KCNT2: variants seen among roughly 807,000 people sequenced by gnomAD.
The protein encoded by KCNT2 is potassium channel subfamily T member 2.
Under a neutral mutation model 153.8 loss-of-function variants are expected in KCNT2, and 67 were observed. That is an observed-to-expected ratio of 0.44 (90% CI 0.36 to 0.53). The LOEUF is 0.53. KCNT2 is among the 20% of genes least tolerant of loss of function. KCNT2 has a pLI of 0.00. For synonymous variants in KCNT2, 500 were observed against 458.8 expected, an observed-to-expected ratio of 1.09 and a Z score of -1.15; for missense variants, 975 against 1,354.8, an observed-to-expected ratio of 0.72 and a Z score of 4.40.
chr1:196,258,682 C>T (rs1021626843), intron 25 of KCNT2, 188 bp from the exon 26 acceptor site: 10 of 649,444 alleles, frequency 1.5e-5, no homozygotes, highest in East Asian at 1.2e-4. Context: ...TTTCCTTGAA[C>T]GTACATATAA....
At chr1:196,361,195 C>T (rs561427173) in intron 14 of KCNT2, among the ~76,000 whole-genome samples, 3 of 151,060 alleles carry the variant, frequency 2.0e-5, no homozygotes, top group Non-Finnish European at 4.5e-5. Flanking sequence ...CCCTCTCCAA[C>T]AGACACCAGA....
intron 1 of KCNT2, among the ~76,000 whole-genome samples, chr1:196,565,949 T>C (rs1056619985): frequency 4.6e-5 from 7 of 151,844 alleles, no homozygotes; most frequent in African/African-American, 1.7e-4. Flanking sequence ...TTCTTGAAAA[T>C]CACTGAGAGT....
intron 1 of KCNT2, among the ~76,000 whole-genome samples, chr1:196,541,141 T>A (rs932038811): frequency 1.3e-5 from 2 of 151,182 alleles, no homozygotes; most frequent in Non-Finnish European, 3.0e-5. Context: ...TGTACTGAGA[T>A]AAAAAAAGCA....
chr1:196,277,196 G>A (rs1658649059), intron 25 of KCNT2, among the ~76,000 whole-genome samples: 1 of 151,958 alleles, frequency 6.6e-6, no homozygotes, highest in South Asian at 2.1e-4. Flanking sequence ...CATATTATAA[G>A]CTTTTTCACT....
At chr1:196,396,902 T>G (rs1670985372) in intron 13 of KCNT2, among the ~76,000 whole-genome samples, 1 of 151,442 alleles carries the variant, frequency 6.6e-6, no homozygotes, top group African/African-American at 2.4e-5. Context: ...AACGGCGTGC[T>G]AAAGGGAGAA....
intron 13 of KCNT2, among the ~76,000 whole-genome samples, chr1:196,386,585 C>A (rs1328312508): frequency 6.6e-6 from 1 of 152,056 alleles, no homozygotes; most frequent in East Asian, 1.9e-4. Flanking sequence ...TAATATATTT[C>A]TGGAGAGCAA....
At chr1:196,321,765 T>C (rs532011010) in intron 19 of KCNT2, among the ~76,000 whole-genome samples, 7 of 151,910 alleles carry the variant, frequency 4.6e-5, no homozygotes, top group African/African-American at 1.7e-4. Flanking sequence ...ATAGATAGAT[T>C]CATCTACTAC....
At chr1:196,284,230 TA>T (rs1190571024) in intron 23 of KCNT2, among the ~76,000 whole-genome samples, 1 of 2,974 alleles carries the variant, frequency 3.4e-4, no homozygotes, top group African/African-American at 6.8e-4. Flanking sequence ...GACTCTGTCT[TA>T]AAAAAAAAAA....
chr1:196,484,209 G>A (rs1021432928), intron 3 of KCNT2, among the ~76,000 whole-genome samples: 12 of 151,978 alleles, frequency 7.9e-5, no homozygotes, highest in Admixed American at 5.9e-4. Context: ...TTTCATAATC[G>A]CCATTCTGAC....
Position 196,533,728 on chromosome 1 carries a change from C to A in KCNT2, c.96-41387G>T, listed in dbSNP as rs149414024. Among the ~76,000 whole-genome samples, 464 of 152,092 alleles carry A rather than the reference C, an allele frequency of 3.1e-3. 1 individual carries two copies. Among genetic ancestry groups the A allele is most frequent in the African/African-American group, 0.011 (441 of 41,480 alleles). The stretch of plus-strand genomic sequence containing the variant: ...TTATGTCTTCTATTGTGGTTGGCAT[C>A]ATATATAAAGCTAGGAACAGAAAAT... On this transcript the variant is annotated intron_variant, in intron 1 of 27. Coordinates refer to ENST00000294725, the MANE Select transcript of KCNT2 (RefSeq NM_198503.5).
rs1437669621 is a variant in KCNT2 at position 196,579,672 on chromosome 1, T to C, written c.95+28543A>G. Reference sequence around the variant, plus strand: ...CACACCTGGCTAATTTTTGTATTTATAGTAGAGAAGGGGTTTCAACATGTT... The same window carrying C: ...CACACCTGGCTAATTTTTGTATTTACAGTAGAGAAGGGGTTTCAACATGTT... On this transcript the variant is annotated intron_variant, in intron 1 of 27. Transcript: ENST00000294725. 8.6e-5 allele frequency among the ~76,000 whole-genome samples: 13 copies of C among 152,044 alleles called. No individual in the cohort carries two copies. In the East Asian group the frequency reaches 2.3e-3, roughly 27 times the overall value.
intron 25 of KCNT2, among the ~76,000 whole-genome samples, chr1:196,276,941 T>A (rs1042803102): frequency 7.2e-5 from 11 of 152,042 alleles, no homozygotes; most frequent in African/African-American, 2.7e-4. Flanking sequence ...ATTGGTGATG[T>A]GATTCACTGT....
chr1:196,446,671 G>A lies in KCNT2; in HGVS notation c.639-16914C>T, dbSNP rs143671279. ...TTTTGAGATATATCAATTAGGAAGA[G>A]AGCCAGTTACCTACAAGTACTTTGT... On this transcript the variant is annotated intron_variant, in intron 8 of 27. Transcript: ENST00000294725. Among the ~76,000 whole-genome samples, 30 of 151,670 alleles carry A rather than the reference G, an allele frequency of 2.0e-4. 1 individual carries two copies. In the East Asian group the frequency reaches 5.5e-3, roughly 28 times the overall value.
intron 12 of KCNT2, among the ~76,000 whole-genome samples, chr1:196,401,794 CTT>C (rs1310728485): frequency 6.6e-6 from 1 of 151,442 alleles, no homozygotes; most frequent in Admixed American, 6.6e-5. Flanking sequence ...TGACTAGAAA[CTT>C]TTTAATTTTG....
At position 196,445,319 on chromosome 1, in the gene KCNT2, C is replaced by G. The variant is rs142529658; in HGVS notation, c.639-15562G>C. Among the ~76,000 whole-genome samples, 415 of 150,600 alleles carry G rather than the reference C, an allele frequency of 2.8e-3. 5 individuals are homozygous for G. The highest frequency in any genetic ancestry group is 9.7e-3 in the African/African-American group (394 of 40,664). On this transcript the variant is annotated intron_variant, in intron 8 of 27. Coordinates refer to ENST00000294725, the MANE Select transcript of KCNT2 (RefSeq NM_198503.5). ...TTAAACGATTTGTACACATTTATTGCATTTCCAAAAGAATATCTTGCTAGC... is the reference window on the plus strand; with the variant it reads ...TTAAACGATTTGTACACATTTATTGGATTTCCAAAAGAATATCTTGCTAGC...
At chr1:196,555,641 A>C (rs1301112077) in intron 1 of KCNT2, among the ~76,000 whole-genome samples, 2 of 151,080 alleles carry the variant, frequency 1.3e-5, no homozygotes, top group Non-Finnish European at 3.0e-5. Flanking sequence ...TCACAGAAAT[A>C]AAAAAATATA....
In KCNT2 at chr1:196,419,838, G is replaced by A. The variant is rs1269151380; in HGVS notation, c.1185+3212C>T. ...TCATATGCCTTTTCCTTTTTCCTTT[G>A]GCTTCTTCTTTTGTTTCCTTCTCCC... On this transcript the variant is annotated intron_variant, in intron 12 of 27. Transcript: ENST00000294725. Among the ~76,000 whole-genome samples the A allele has an allele frequency of 3.3e-5, 5 of 150,902 alleles. No individual in the cohort carries two copies. In the South Asian group the frequency reaches 8.4e-4, roughly 25 times the overall value.
At chr1:196,419,222 A>T (rs1204406066) in intron 12 of KCNT2, among the ~76,000 whole-genome samples, 1 of 150,362 alleles carries the variant, frequency 6.7e-6, no homozygotes, top group Non-Finnish European at 1.5e-5. Flanking sequence ...CATGTGCACA[A>T]TGTGCAGGTT....
chr1:196,486,046 T>C (rs1679393988), intron 3 of KCNT2, among the ~76,000 whole-genome samples: 1 of 151,926 alleles, frequency 6.6e-6, no homozygotes, highest in Non-Finnish European at 1.5e-5. Flanking sequence ...AAGTAGCAGA[T>C]GCATCATCAT....
Sources: gnomAD v4.1 joint callset for allele counts (sites outside exome capture counted in the v4.1 genomes callset) on GRCh38, gnomAD v4.1.1 for gene constraint, MANE v1.5 for transcripts, NCBI Gene and HGNC (gene_info 2026-07-23, HGNC 2026-07-21) for gene names.